KIRREL3: variants seen among roughly 807,000 people sequenced by gnomAD.
KIRREL3 encodes the protein kirre like nephrin family adhesion molecule 3, also known as kin of IRRE-like protein 3.
Under a neutral mutation model 89.7 loss-of-function variants are expected in KIRREL3, and 36 were observed. The ratio of observed to expected loss-of-function variants is 0.40; its 90% CI spans 0.31 to 0.53. The LOEUF (loss-of-function observed/expected upper bound fraction) is 0.53. Among genes scored for constraint, KIRREL3 ranks in the 20% least tolerant of loss-of-function variants. The pLI is 0.49. For synonymous variants in KIRREL3, 445 were observed against 441.4 expected, an observed-to-expected ratio of 1.01 and a Z score of -0.10; for missense variants, 864 against 1,056.6, an observed-to-expected ratio of 0.82 and a Z score of 2.53.
rs979430042 is a variant in KIRREL3 at position 126,708,856 on chromosome 11, T to C, written c.56-145944A>G. ...AGGCCATGGGATCAGCTGTGATCTC[T>C]CCCTTCCTTTTTCATTCTCCTCTCC... On this transcript the variant is annotated intron_variant, in intron 1 of 16. Transcript: ENST00000525144. This position sits in a 1 kb window ranked among gnomAD's most constrained non-coding sequence, Gnocchi z 5.7. Among the ~76,000 whole-genome samples the C allele has an allele frequency of 1.3e-5, 2 of 152,218 alleles. No individual in the cohort carries two copies. The highest frequency in any genetic ancestry group is 2.4e-5 in the African/African-American group (1 of 41,454).
In KIRREL3 at chr11:126,684,212, G is replaced by A. The variant is rs1380706730; in HGVS notation, c.56-121300C>T. Among the ~76,000 whole-genome samples, 1 of 152,214 alleles carries A rather than the reference G, an allele frequency of 6.6e-6. No homozygotes were observed. The highest frequency in any genetic ancestry group is 2.4e-5 in the African/African-American group (1 of 41,450). On this transcript the variant is annotated intron_variant, in intron 1 of 16. Transcript: ENST00000525144. The surrounding 1 kb of genome is among the most constrained non-coding windows in gnomAD (Gnocchi z 4.2). Reference sequence around the variant, plus strand: ...ATATGGTGGGAGGAGCCGGGCTGGAGGCTGCAGACTCTGCCTCTGTGCCCG... The same window carrying A: ...ATATGGTGGGAGGAGCCGGGCTGGAAGCTGCAGACTCTGCCTCTGTGCCCG...
chr11:126,621,105 A>C (rs1943557613), intron 1 of KIRREL3, among the ~76,000 whole-genome samples: 2 of 152,320 alleles, frequency 1.3e-5, no homozygotes, highest in East Asian at 1.9e-4. Flanking sequence ...TCAGGGTTTA[A>C]ATTCTAGTAC....
intron 4 of KIRREL3, among the ~76,000 whole-genome samples, chr11:126,509,966 T>C (rs1020607536): frequency 2.8e-5 from 3 of 108,838 alleles, no homozygotes; most frequent in Non-Finnish European, 5.0e-5. Context: ...CAGCCTGGAC[T>C]GGACAACAGA....
chr11:126,832,799 C>T (rs556301961), intron 1 of KIRREL3, among the ~76,000 whole-genome samples: 18 of 152,234 alleles, frequency 1.2e-4, no homozygotes, highest in South Asian at 2.1e-4. Flanking sequence ...TTGGTCTGGA[C>T]GCCTTTCTTG....
Position 126,754,634 on chromosome 11 carries a change from C to CGTGCGCACTCAGTGGTGTCAGGTGGCTGT in KIRREL3, c.56-191751_56-191723dup. Among the ~76,000 whole-genome samples the CGTGCGCACTCAGTGGTGTCAGGTGGCTGT allele has an allele frequency of 6.6e-6, 1 of 151,942 alleles. No homozygotes were observed. The highest frequency in any genetic ancestry group is 6.6e-5 in the Admixed American group (1 of 15,222). On this transcript the variant is annotated intron_variant, in intron 1 of 16. Coordinates refer to ENST00000525144, the MANE Select transcript of KIRREL3 (RefSeq NM_032531.4). This position sits in a 1 kb window ranked among gnomAD's most constrained non-coding sequence, Gnocchi z 5.1. ...TCATTTTTAAAGTCACCAGGGAGTT[C>CGTGCGCACTCAGTGGTGTCAGGTGGCTGT]GTGCGCACTCAGTGGTGTCAGGTGG...
intron 1 of KIRREL3, among the ~76,000 whole-genome samples, chr11:126,806,014 C>G (rs1023969242): frequency 4.6e-5 from 7 of 152,228 alleles, no homozygotes; most frequent in African/African-American, 1.7e-4. Flanking sequence ...CACACCAAAT[C>G]TGTCACCTGT....
At chr11:126,617,092 T>G (rs1005666906) in intron 1 of KIRREL3, among the ~76,000 whole-genome samples, 2 of 152,242 alleles carry the variant, frequency 1.3e-5, no homozygotes, top group African/African-American at 4.8e-5. Context: ...GGAGTTTGCT[T>G]TCACAGCCTC....
chr11:126,986,065 T>C (rs1949858311), intron 1 of KIRREL3, among the ~76,000 whole-genome samples: 1 of 152,108 alleles, frequency 6.6e-6, no homozygotes, highest in African/African-American at 2.4e-5. Context: ...CTACCATCAC[T>C]ACAGTACTCA....
chr11:126,961,871 C>A (rs894663558), intron 1 of KIRREL3, among the ~76,000 whole-genome samples: 35 of 152,332 alleles, frequency 2.3e-4, no homozygotes, highest in Admixed American at 4.6e-4. Context: ...AGCCAATGCT[C>A]ATTTATCATT....
intron 1 of KIRREL3, among the ~76,000 whole-genome samples, chr11:126,727,016 G>A (rs112839394): frequency 0.024 from 3,673 of 152,246 alleles, 76 homozygotes; most frequent in Admixed American, 0.051. Context: ...ACAGATTTCC[G>A]CGTAGCCTAC....
rs757591860 is a variant in KIRREL3 at position 126,431,534 on chromosome 11, A to T, written c.1589-8T>A. 1.2e-6 allele frequency: 2 copies of T among 1,612,584 alleles called. No homozygotes were observed. The highest frequency in any genetic ancestry group is 1.7e-6 in the Non-Finnish European group (2 of 1,179,080). Reference sequence around the variant, plus strand: ...CGGCCATCGGCACAGACTCTGTGGGAGAGAAGCGGGCACAGCTGATGACGG... The same window carrying T: ...CGGCCATCGGCACAGACTCTGTGGGTGAGAAGCGGGCACAGCTGATGACGG... On this transcript the variant is annotated splice_region_variant and splice_polypyrimidine_tract_variant and intron_variant, in intron 13 of 16. Transcript: ENST00000525144. The surrounding 1 kb of genome is among the most constrained non-coding windows in gnomAD (Gnocchi z 7.1).
At chr11:126,681,446 A>C (rs2135100974) in intron 1 of KIRREL3, among the ~76,000 whole-genome samples, 1 of 152,294 alleles carries the variant, frequency 6.6e-6, no homozygotes, top group Middle Eastern at 3.4e-3. Flanking sequence ...AAATATATGT[A>C]AATAGGACTT....
chr11:126,461,093 A>T (rs1367797410), intron 6 of KIRREL3, among the ~76,000 whole-genome samples: 6 of 152,354 alleles, frequency 3.9e-5, no homozygotes, highest in Middle Eastern at 6.8e-3. Context: ...TCGGGCAAGA[A>T]GGGGCCTTGG....
chr11:126,451,071 ATG>A (rs201340476), intron 7 of KIRREL3, among the ~76,000 whole-genome samples: 18,607 of 121,130 alleles, frequency 0.15, 1,536 homozygotes, highest in Middle Eastern at 0.28. Flanking sequence ...ATGCATGTGC[ATG>A]TGTGTGCGTG....
rs928736855 is a variant in KIRREL3, at chr11:126,797,176, T to A, written c.55+203279A>T. On this transcript the variant is annotated intron_variant, in intron 1 of 16. Coordinates refer to ENST00000525144, the MANE Select transcript of KIRREL3 (RefSeq NM_032531.4). The surrounding 1 kb of genome is among the most constrained non-coding windows in gnomAD (Gnocchi z 4.9). ...TGTGGCACTGAATTTGGGGCTGTGTTACTGTGCAGGGAATATGAGCCTAGG... is the reference window on the plus strand; with the variant it reads ...TGTGGCACTGAATTTGGGGCTGTGTAACTGTGCAGGGAATATGAGCCTAGG... 1.3e-5 allele frequency among the ~76,000 whole-genome samples: 2 copies of A among 152,160 alleles called. No individual in the cohort carries two copies. The highest frequency in any genetic ancestry group is 4.8e-5 in the African/African-American group (2 of 41,424).
In KIRREL3 at chr11:126,551,125, G is replaced by C. The variant is rs760701781; in HGVS notation, c.133+11710C>G. Reference sequence around the variant, plus strand: ...TACAAAGAATACAGATGAAGAGATTGGGGGGAAGGGGCAGGAGCTTCCACG... The same window carrying C: ...TACAAAGAATACAGATGAAGAGATTCGGGGGAAGGGGCAGGAGCTTCCACG... On this transcript the variant is annotated intron_variant, in intron 2 of 16. Transcript: ENST00000525144. This position sits in a 1 kb window ranked among gnomAD's most constrained non-coding sequence, Gnocchi z 4.9. Among the ~76,000 whole-genome samples the C allele has an allele frequency of 1.3e-5, 2 of 152,292 alleles. No individual in the cohort carries two copies. Among genetic ancestry groups the C allele is most frequent in the South Asian group, 2.1e-4 (1 of 4,822 alleles).
At chr11:126,800,397 G>A (rs1278483169) in intron 1 of KIRREL3, among the ~76,000 whole-genome samples, 1 of 152,144 alleles carries the variant, frequency 6.6e-6, no homozygotes, top group Non-Finnish European at 1.5e-5. Context: ...GTGATCACCC[G>A]GGTCAGAGGA....
chr11:126,580,405 G>A (rs775903575), intron 1 of KIRREL3, among the ~76,000 whole-genome samples: 28 of 152,118 alleles, frequency 1.8e-4, no homozygotes, highest in African/African-American at 4.6e-4. Context: ...CTGGTGAACC[G>A]GACAGCAGGA....
intron 1 of KIRREL3, among the ~76,000 whole-genome samples, chr11:126,592,545 C>CA (rs1942188655): frequency 6.6e-6 from 1 of 152,190 alleles, no homozygotes; most frequent in South Asian, 2.1e-4. Flanking sequence ...AGGGGCAGAG[C>CA]TTTCTCCAGG....
Sources: allele counts gnomAD v4.1 joint callset (sites outside exome capture counted in the v4.1 genomes callset), GRCh38; gene constraint gnomAD v4.1.1; non-coding constraint Gnocchi (gnomAD v3.1); transcripts MANE v1.5; gene names NCBI Gene and HGNC (gene_info 2026-07-23, HGNC 2026-07-21).